The following TTC7B variants were observed in gnomAD, a reference collection of about 807,000 sequenced individuals.
TTC7B encodes the protein tetratricopeptide repeat protein 7B.
In TTC7B, 28 loss-of-function variants were observed where a neutral mutation model predicts 106.8. The ratio of observed to expected loss-of-function variants is 0.26; its 90% confidence interval spans 0.19 to 0.36. The LOEUF is 0.36. Ranked by LOEUF, TTC7B falls within the 10% of genes least tolerant of loss-of-function variation. The probability of loss-of-function intolerance (pLI) is 1.00; values close to 1 mark genes in which losing one functional copy is unlikely to be tolerated. For missense variants in TTC7B, 862 were observed against 1,076.4 expected, an observed-to-expected ratio of 0.80 and a Z score of 2.79; for synonymous variants, 405 against 430.6, an observed-to-expected ratio of 0.94 and a Z score of 0.74.
At chr14:90,710,459 A>G (rs533321541) in intron 5 of TTC7B, among the ~76,000 whole-genome samples, 1 of 152,372 alleles carries the variant, frequency 6.6e-6, no homozygotes, top group Admixed American at 6.5e-5. Flanking sequence ...TTAGTTGATA[A>G]GACAGCAGTA....
At chr14:90,695,777 C>G (rs1770485083) in intron 5 of TTC7B, among the ~76,000 whole-genome samples, 199 bp from the exon 6 acceptor site, 2 of 151,972 alleles carry the variant, frequency 1.3e-5, no homozygotes, top group Admixed American at 1.3e-4. Flanking sequence ...GTTTTCTAAC[C>G]CCTAGCACAT....
intron 19 of TTC7B, among the ~76,000 whole-genome samples, chr14:90,542,178 A>G (rs1889627698): frequency 6.6e-6 from 1 of 152,042 alleles, no homozygotes; most frequent in Non-Finnish European, 1.5e-5. Flanking sequence ...TGACCTCGTG[A>G]TCTGCCCACC....
intron 9 of TTC7B, among the ~76,000 whole-genome samples, chr14:90,661,389 T>C (rs943952234): frequency 6.6e-6 from 1 of 152,130 alleles, no homozygotes; most frequent in Admixed American, 6.5e-5. Flanking sequence ...GAAAGCAGCA[T>C]GCTGAGACCA....
intron 19 of TTC7B, among the ~76,000 whole-genome samples, chr14:90,572,317 A>G (rs1247651289): frequency 8.8e-5 from 13 of 147,438 alleles, no homozygotes; most frequent in African/African-American, 2.2e-4. Context: ...GTCGTTAGTC[A>G]GCAGTGTCGT....
chr14:90,534,313 C>T lies in TTC7B; in HGVS notation c.*7055G>A, dbSNP rs1476841340. On this transcript the variant is annotated 3_prime_UTR_variant, in exon 20 of 20. Coordinates refer to ENST00000328459, the MANE Select transcript of TTC7B (RefSeq NM_001010854.2). ...GGCGGGAACGGCCGCAGCCCTAAGGCTCAGCCCTGGGGCTCGGCCCATTTT... is the reference window on the plus strand; with the variant it reads ...GGCGGGAACGGCCGCAGCCCTAAGGTTCAGCCCTGGGGCTCGGCCCATTTT... 1.3e-5 allele frequency: 2 copies of T among 152,244 alleles called. No individual in the cohort carries two copies. Among genetic ancestry groups the T allele is most frequent in the African/African-American group, 4.8e-5 (2 of 41,452 alleles). The allele number at this position is 152,244 out of a possible 1,614,324, so 9.4% of individuals were successfully genotyped here.
At chr14:90,637,356 G>A (rs936621187) in intron 15 of TTC7B, among the ~76,000 whole-genome samples, 1 of 151,356 alleles carries the variant, frequency 6.6e-6, no homozygotes, top group African/African-American at 2.4e-5. Flanking sequence ...GACCTGAATA[G>A]ACTATAATTA....
At position 90,526,339 on chromosome 14, in the gene TTC7B, C is replaced by A. The variant is rs778543413; in HGVS notation, c.*15029G>T. ...AGACCTTACTTTAAAAAAAAATAAA[C>A]TATTAAGTTTGGGATAATTTTAGAT... is the stretch of plus-strand genomic sequence containing the variant. On this transcript the variant is annotated 3_prime_UTR_variant, in exon 20 of 20. Coordinates refer to ENST00000328459, the MANE Select transcript of TTC7B (RefSeq NM_001010854.2). The A allele has an allele frequency of 2.0e-5, 3 of 152,140 alleles. No homozygotes were observed. Among genetic ancestry groups the A allele is most frequent in the Non-Finnish European group, 4.4e-5 (3 of 68,036 alleles). 9.4% of individuals were successfully genotyped at this position (152,140 alleles called of 1,614,324 possible). A position where few individuals can be genotyped will look rare whatever the true frequency, so the allele number is the denominator to read the frequency against.
chr14:90,745,882 T>A (rs1454955217), intron 3 of TTC7B, among the ~76,000 whole-genome samples: 2 of 151,718 alleles, frequency 1.3e-5, no homozygotes, highest in Non-Finnish European at 2.9e-5. Context: ...TTTTTTTTTT[T>A]AGTAGAGATG....
intron 3 of TTC7B, chr14:90,767,027 C>G (rs1350517994): frequency 3.2e-6 from 2 of 626,016 alleles, no homozygotes; most frequent in Non-Finnish European, 2.4e-6. Context: ...AGTTTATATA[C>G]CAAAAAAAAA....
chr14:90,578,142 G>A lies in TTC7B; in HGVS notation c.2274C>T (p.Ala758=), dbSNP rs774414307. ...EARRWYEEAL[A]ISPTHVKSMQ... ...TGCTCTTCACGTGGGTGGGGCTGAT[G>A]GCTAAGGCCTCTTCATACCACCGCC... Residue 758 remains alanine (A), a synonymous_variant, in exon 19 of 20, where the codon GCC becomes GCT. Transcript: ENST00000328459. The surrounding 1 kb of genome is among the most constrained non-coding windows in gnomAD (Gnocchi z 4.7). 1.9e-6 allele frequency: 3 copies of A among 1,612,862 alleles called. No homozygotes were observed. In the Admixed American group the frequency reaches 5.0e-5, roughly 27 times the overall value.
intron 19 of TTC7B, among the ~76,000 whole-genome samples, chr14:90,544,435 G>A (rs1408441251): frequency 6.6e-6 from 1 of 152,148 alleles, no homozygotes; most frequent in East Asian, 1.9e-4. Flanking sequence ...CTGCCTGAAG[G>A]GCTTCTGGGT....
chr14:90,590,800 T>C (rs1399718640), intron 18 of TTC7B, among the ~76,000 whole-genome samples: 1 of 152,226 alleles, frequency 6.6e-6, no homozygotes, highest in Non-Finnish European at 1.5e-5. Context: ...AAACAGTCGA[T>C]ATGGCACAAA....
intron 3 of TTC7B, among the ~76,000 whole-genome samples, chr14:90,761,332 G>GTATC (rs1890493661): frequency 6.6e-6 from 1 of 151,700 alleles, no homozygotes; most frequent in Admixed American, 6.6e-5. Context: ...GCCTTTTGAG[G>GTATC]TATCTCTTCA....
rs1382460501 is a variant in TTC7B at position 90,525,894 on chromosome 14, G to T, written c.*15474C>A. The T allele has an allele frequency of 1.4e-5, 2 of 142,014 alleles. No homozygotes were observed. Among genetic ancestry groups the T allele is most frequent in the African/African-American group, 5.2e-5 (2 of 38,584 alleles). The allele number at this position is 142,014 out of a possible 1,614,324, so 8.8% of individuals were successfully genotyped here. A position where few individuals can be genotyped will look rare whatever the true frequency, so the allele number is the denominator to read the frequency against. On this transcript the variant is annotated 3_prime_UTR_variant, in exon 20 of 20. Transcript: ENST00000328459. ...AGTGGAAGAGTACCAGGACATGGGG[G>T]TGGGGGTTGGGGCAAAGCTTTGCTC...
chr14:90,619,261 T>A lies in TTC7B; in HGVS notation c.1752-1216A>T, dbSNP rs544212260. 8.5e-5 allele frequency among the ~76,000 whole-genome samples: 13 copies of A among 152,276 alleles called. No individual in the cohort carries two copies. In the South Asian group the frequency reaches 2.7e-3, roughly 32 times the overall value. ...TACTTATACTGTCTGTAATAATAAG[T>A]CAAAATTCTGTATCTCATCGTTTAA... On this transcript the variant is annotated intron_variant, in intron 15 of 19. Coordinates refer to ENST00000328459, the MANE Select transcript of TTC7B (RefSeq NM_001010854.2).
chr14:90,722,594 GA>G (rs2139980553), intron 5 of TTC7B, among the ~76,000 whole-genome samples: 1 of 152,274 alleles, frequency 6.6e-6, no homozygotes, highest in African/African-American at 2.4e-5. Context: ...ACATTTCTAG[GA>G]AGTGGCCTGT....
At chr14:90,666,982 ATGTAGC>A (rs1886436952) in intron 9 of TTC7B, among the ~76,000 whole-genome samples, 1 of 152,236 alleles carries the variant, frequency 6.6e-6, no homozygotes, top group South Asian at 2.1e-4. Flanking sequence ...TGCTTTGCCA[ATGTAGC>A]TGTTCCTTGC....
Position 90,566,837 on chromosome 14 carries a change from C to T in TTC7B, c.2310+11269G>A, listed in dbSNP as rs548994250. Among the ~76,000 whole-genome samples, 18 of 152,284 alleles carry T rather than the reference C, an allele frequency of 1.2e-4. No homozygotes were observed. The East Asian group carries it at 1.5e-3, about 13-fold the overall frequency. ...TCTCAGTGACTTGGAGTGTTCTGGA[C>T]ATTGAGGCCCTCAGACCTTGGTTGG... On this transcript the variant is annotated intron_variant, in intron 19 of 19. Transcript: ENST00000328459.
intron 1 of TTC7B, among the ~76,000 whole-genome samples, chr14:90,810,437 C>T (rs2030837383): frequency 6.6e-6 from 1 of 152,234 alleles, no homozygotes; most frequent in African/African-American, 2.4e-5. Flanking sequence ...CAAGCCAGGG[C>T]TCTTACCCAC....
Sources: gnomAD v4.1 joint callset for allele counts (sites outside exome capture counted in the v4.1 genomes callset) on GRCh38, gnomAD v4.1.1 for gene constraint, Gnocchi (gnomAD v3.1) non-coding constraint, MANE v1.5 for transcripts, NCBI Gene and HGNC (gene_info 2026-07-23, HGNC 2026-07-21) for gene names.